Variants in GREB1 observed in about 807,000 individuals in gnomAD.
GREB1 encodes protein GREB1.
Under a neutral mutation model 200.7 loss-of-function variants are expected in GREB1, and 106 were observed. The ratio of observed to expected loss-of-function variants is 0.53; its 90% CI spans 0.45 to 0.62. GREB1 has a LOEUF of 0.62. GREB1 is among the 20% of genes least tolerant of loss of function. GREB1 has a pLI of 0.00. For missense variants in GREB1, 2,243 were observed against 2,556.8 expected (o/e 0.88, Z 2.65); for synonymous variants, 1,132 against 1,092.4 (o/e 1.04, Z -0.72).
chr2:11,534,775 T>A (rs938384458), intron 1 of GREB1, among the ~76,000 whole-genome samples: 1 of 152,194 alleles, frequency 6.6e-6, no homozygotes, highest in Non-Finnish European at 1.5e-5. Flanking sequence ...TGCTTTGGTG[T>A]CTTTTCTTCT....
intron 1 of GREB1, among the ~76,000 whole-genome samples, chr2:11,554,601 C>T (rs926302168): frequency 6.6e-6 from 1 of 152,182 alleles, no homozygotes; most frequent in East Asian, 1.9e-4. Flanking sequence ...TAGATGAAGG[C>T]AGGAAACTGC....
intron 1 of GREB1, among the ~76,000 whole-genome samples, chr2:11,503,774 A>G (rs1189699664): frequency 6.6e-6 from 1 of 152,204 alleles, no homozygotes; most frequent in East Asian, 1.9e-4. Flanking sequence ...TAGGGTTAGC[A>G]GAGCAAGATA....
At chr2:11,570,401 TA>T (rs202175567) in intron 4 of GREB1, among the ~76,000 whole-genome samples, 2,214 of 132,096 alleles carry the variant, frequency 0.017, 10 homozygotes, top group Non-Finnish European at 0.024. Context: ...GAAACTCCAT[TA>T]AAAAAAAAAA....
intron 7 of GREB1, among the ~76,000 whole-genome samples, chr2:11,582,850 C>G (rs1225510355): frequency 6.6e-6 from 1 of 152,212 alleles, no homozygotes; most frequent in Non-Finnish European, 1.5e-5. Context: ...TTACTGAAGC[C>G]TAGAGTCCTG....
chr2:11,567,013 GTTGCTGCT>G (rs11277068), intron 4 of GREB1, among the ~76,000 whole-genome samples: 5,130 of 152,294 alleles, frequency 0.034, 252 homozygotes, highest in African/African-American at 0.11. Flanking sequence ...GGCCGAGTGT[GTTGCTGCT>G]TCCAGAATGT....
In GREB1 at chr2:11,610,940, G is replaced by A. The variant is rs370508035; in HGVS notation, c.2919G>A (p.Arg973=). ...AGCGGCTGGCCCACGTGCGGGCCCG[G>A]CTGGCGCTGGAGGAGCACTTTGAGA... ...AYERLAHVRA[R]LALEEHFEII... is the part of the protein sequence containing the mutation. Residue 973 remains arginine, a synonymous_variant, in exon 18 of 33, where the codon CGG becomes CGA. Coordinates refer to ENST00000381486, the MANE Select transcript of GREB1 (RefSeq NM_014668.4). The A allele has an allele frequency of 7.5e-5, 121 of 1,610,572 alleles. No homozygotes were observed. Among genetic ancestry groups the A allele is most frequent in the Non-Finnish European group, 1.0e-4 (119 of 1,178,872 alleles).
In GREB1 at chr2:11,593,059, G is replaced by C; in HGVS notation, c.1629G>C (p.Lys543Asn). 5 of 1,611,836 alleles carry C rather than the reference G, an allele frequency of 3.1e-6. No individual in the cohort carries two copies. Among genetic ancestry groups the C allele is most frequent in the Non-Finnish European group, 4.2e-6 (5 of 1,179,382 alleles). ...TGTTGGTCGAGGGCAAGCTTGCCAA[G>C]ACCAACTACGTGGTCATCATCTGCG... is the stretch of plus-strand genomic sequence containing the variant. ...FRLLVEGKLA[K>N]TNYVVIICAC... Residue 543 changes from lysine (K) to asparagine (N), a missense_variant, in exon 11 of 33, where the codon AAG (lysine) becomes AAC (asparagine). Coordinates refer to ENST00000381486, the MANE Select transcript of GREB1 (RefSeq NM_014668.4).
Position 11,551,550 on chromosome 2 carries a change from A to G in GREB1, c.-161-4904A>G, listed in dbSNP as rs1181635002. On this transcript the variant is annotated intron_variant, in intron 1 of 32. Transcript: ENST00000381486. The stretch of plus-strand genomic sequence containing the variant: ...CCCTTGGGTTTGTTTTTGTTATTCT[A>G]TCACTGTGTCATCTTGTAAACCATT... Among the ~76,000 whole-genome samples the G allele has an allele frequency of 1.3e-5, 2 of 152,158 alleles. 1 individual carries two copies. Among genetic ancestry groups the G allele is most frequent in the South Asian group, 4.1e-4 (2 of 4,824 alleles).
At chr2:11,588,418 G>T (rs1680388700) in intron 9 of GREB1, 1 of 509,260 alleles carries the variant, frequency 2.0e-6, no homozygotes, top group Non-Finnish European at 3.2e-6. Context: ...CCCATTGGTG[G>T]TGCTGGAGGA....
Position 11,635,310 on chromosome 2 carries a change from A to C in GREB1, c.5251A>C (p.Ser1751Arg). ...TGTAGACTTCAACCTGCGGGTGCAC[A>C]GCGCCGGCCTCCTGCTCTGCCGGTT... Reference protein sequence around the residue: ...DDVDFNLRVHSAGLLLCRFNR... With the variant: ...DDVDFNLRVHRAGLLLCRFNR... Residue 1751 changes from serine (S) to arginine (R), a missense_variant, in exon 30 of 33, where the codon AGC becomes CGC. Coordinates refer to ENST00000381486, the MANE Select transcript of GREB1 (RefSeq NM_014668.4). 6.2e-7 allele frequency: 1 copy of C among 1,614,116 alleles called. No homozygotes were observed. The highest frequency in any genetic ancestry group is 8.5e-7 in the Non-Finnish European group (1 of 1,179,970).
At chr2:11,636,125 C>G (rs190576044) in intron 30 of GREB1, among the ~76,000 whole-genome samples, 1 of 152,346 alleles carries the variant, frequency 6.6e-6, no homozygotes, top group African/African-American at 2.4e-5. Context: ...CTCCACTGAC[C>G]CCCAGAGTCA....
intron 5 of GREB1, among the ~76,000 whole-genome samples, chr2:11,577,137 C>T (rs192938186): frequency 4.6e-5 from 7 of 152,250 alleles, no homozygotes; most frequent in Non-Finnish European, 8.8e-5. Flanking sequence ...TTCTCATCTC[C>T]CCAGATTGAG....
rs74682364 is a variant in GREB1, at chr2:11,562,358, C to T, written c.158-105C>T. 7,534 of 1,492,198 alleles carry T rather than the reference C, an allele frequency of 5.0e-3. 325 individuals carry two copies. In the African/African-American group the frequency reaches 0.092, roughly 18 times the overall value. The allele number at this position is 1,492,198 out of a possible 1,614,324, so 92.4% of individuals were successfully genotyped here. A position where few individuals can be genotyped will look rare whatever the true frequency, so the allele number is the denominator to read the frequency against. On this transcript the variant is annotated intron_variant, in intron 2 of 32. Coordinates refer to ENST00000381486, the MANE Select transcript of GREB1 (RefSeq NM_014668.4). ...CCCATTCTGGATTAGTCCCATAGGTCCTGGGCTTGTTGAGCCTGAGAATGC... is the reference window on the plus strand; with the variant it reads ...CCCATTCTGGATTAGTCCCATAGGTTCTGGGCTTGTTGAGCCTGAGAATGC...
intron 9 of GREB1, chr2:11,587,631 A>G (rs909306429): frequency 7.0e-7 from 1 of 1,426,426 alleles, no homozygotes; most frequent in Admixed American, 2.8e-5. Context: ...TCTGCATATA[A>G]CACACAGCCG....
chr2:11,544,317 C>T (rs1427853368), intron 1 of GREB1, among the ~76,000 whole-genome samples: 2 of 151,722 alleles, frequency 1.3e-5, no homozygotes, highest in African/African-American at 4.8e-5. Flanking sequence ...CCCAGGTTCA[C>T]GCCATTCTCC....
Position 11,484,455 on chromosome 2 carries a change from A to G in GREB1, c.-159+2074A>G, listed in dbSNP as rs997838326. ...AGGGACAAGCATTCTTTCTTGAGTA[A>G]GAAGTTAACTCAGGAGGCAGGCACG... On this transcript the variant is annotated intron_variant, in intron 1 of 2. Transcript: ENST00000628795. 1.8e-4 allele frequency among the ~76,000 whole-genome samples: 27 copies of G among 152,206 alleles called. 1 individual carries two copies. Among genetic ancestry groups the G allele is most frequent in the Admixed American group, 1.8e-3 (27 of 15,286 alleles).
intron 16 of GREB1, 47 bp from the exon 17 acceptor site, chr2:11,602,359 C>T (rs1466706560): frequency 2.5e-6 from 4 of 1,583,128 alleles, no homozygotes; most frequent in African/African-American, 2.7e-5. Flanking sequence ...CTCTGACCGT[C>T]CCTGCGAATG....
intron 1 of GREB1, among the ~76,000 whole-genome samples, chr2:11,490,809 A>T (rs1672760181): frequency 6.6e-6 from 1 of 152,154 alleles, no homozygotes; most frequent in Admixed American, 6.6e-5. Flanking sequence ...TTGGCCTCCC[A>T]AAGTGTTGGG....
At chr2:11,541,022 A>C (rs567062173) in intron 1 of GREB1, among the ~76,000 whole-genome samples, 1 of 152,316 alleles carries the variant, frequency 6.6e-6, no homozygotes, top group Non-Finnish European at 1.5e-5. Context: ...GTTAGAATTT[A>C]GTTGTAGGGA....
Sources: gnomAD v4.1 joint callset for allele counts (sites outside exome capture counted in the v4.1 genomes callset) on GRCh38, gnomAD v4.1.1 for gene constraint, MANE v1.5 for transcripts, NCBI Gene and HGNC (gene_info 2026-07-23, HGNC 2026-07-21) for gene names.